The following MALT1 variants were observed in gnomAD, a reference collection of about 807,000 sequenced individuals.
MALT1 encodes mucosa-associated lymphoid tissue lymphoma translocation protein 1.
A neutral mutation model predicts 85.5 loss-of-function variants in MALT1; 36 were observed. The observed-to-expected ratio is 0.42, with a 90% CI of 0.32 to 0.56. The LOEUF is 0.56. Ranked by LOEUF, MALT1 falls within the 20% of genes least tolerant of loss-of-function variation. The probability of loss-of-function intolerance (pLI) is 0.10; values close to 1 mark genes in which losing one functional copy is unlikely to be tolerated. For synonymous variants in MALT1, 359 were observed against 361.3 expected, an observed-to-expected ratio of 0.99 and a Z score of 0.07; for missense variants, 716 against 981.6, an observed-to-expected ratio of 0.73 and a Z score of 3.62.
intron 8 of MALT1, among the ~76,000 whole-genome samples, chr18:58,714,782 G>A (rs2054877405): frequency 7.6e-6 from 1 of 131,490 alleles, no homozygotes; most frequent in South Asian, 2.6e-4. Context: ...CTTTCTGAAA[G>A]ACAATGATGG....
intron 13 of MALT1, among the ~76,000 whole-genome samples, chr18:58,739,124 G>A (rs1008927635): frequency 1.3e-5 from 2 of 152,084 alleles, no homozygotes; most frequent in Admixed American, 6.5e-5. Flanking sequence ...TTAATATGGT[G>A]AGTTAAATTT....
chr18:58,682,214 G>A lies in MALT1; in HGVS notation c.376+878G>A, dbSNP rs370221301. On this transcript the variant is annotated intron_variant, in intron 2 of 16. Transcript: ENST00000649217. ...ATGATATATTTTTAAGTTAACATGA[G>A]GAACTTAAAACCATAAATGAGATGT... Among the ~76,000 whole-genome samples the A allele has an allele frequency of 2.8e-4, 42 of 152,172 alleles. No individual in the cohort carries two copies. In the East Asian group the frequency reaches 5.4e-3, roughly 20 times the overall value.
intron 1 of MALT1, chr18:58,674,035 G>C (rs2054205025): frequency 1.3e-5 from 2 of 152,150 alleles, no homozygotes; most frequent in Admixed American, 6.5e-5. Context: ...TTTGGGGGCA[G>C]ATCTCCAGAG....
chr18:58,721,105 C>A (rs956023331), intron 9 of MALT1, among the ~76,000 whole-genome samples: 1 of 152,162 alleles, frequency 6.6e-6, no homozygotes. Context: ...AAAGGCCAGG[C>A]GTGGTGGCTC....
chr18:58,721,573 T>TA (rs1190072498), intron 9 of MALT1, among the ~76,000 whole-genome samples: 5 of 152,186 alleles, frequency 3.3e-5, no homozygotes, highest in African/African-American at 1.2e-4. Flanking sequence ...TGACATGATA[T>TA]AAAATTACTG....
Position 58,753,580 on chromosome 18 carries a change from T to C in MALT1, c.*5738T>C, listed in dbSNP as rs1339213174. ...CTTTTCAAAAAGCATGCAGATTTAA[T>C]GCCACCAGTTTGTGTTATGTATCTA... is the stretch of plus-strand genomic sequence containing the variant. On this transcript the variant is annotated 3_prime_UTR_variant, in exon 17 of 17. Coordinates refer to ENST00000649217, the MANE Select transcript of MALT1 (RefSeq NM_006785.4). 1 of 152,358 alleles carries C rather than the reference T, an allele frequency of 6.6e-6. No homozygotes were observed. The highest frequency in any genetic ancestry group is 2.1e-4 in the South Asian group (1 of 4,828). The allele number at this position is 152,358 out of a possible 1,614,324, so 9.4% of individuals were successfully genotyped here.
chr18:58,674,260 A>G (rs975348362), intron 1 of MALT1: 3 of 152,202 alleles, frequency 2.0e-5, no homozygotes, highest in African/African-American at 7.2e-5. Flanking sequence ...TTTTTGTTAA[A>G]GGCTACAAAA....
At chr18:58,721,712 G>T (rs2054985967) in intron 9 of MALT1, among the ~76,000 whole-genome samples, 1 of 152,138 alleles carries the variant, frequency 6.6e-6, no homozygotes, top group African/African-American at 2.4e-5. Flanking sequence ...GAGATTTTTG[G>T]TGAAATAATC....
At chr18:58,703,368 A>C (rs1239325216) in intron 4 of MALT1, among the ~76,000 whole-genome samples, 4 of 152,136 alleles carry the variant, frequency 2.6e-5, no homozygotes, top group African/African-American at 9.7e-5. Flanking sequence ...AAAAAAAAGA[A>C]AATATCACCA....
At position 58,747,660 on chromosome 18, in the gene MALT1, C is replaced by T; in HGVS notation, c.2293C>T (p.Pro765Ser). The change falls in exon 17 of 17, where the codon CCT (proline) becomes TCT (serine). Residue 765 changes from proline to serine, a missense_variant. Around this residue, in one of 4 missense-constraint regions of MALT1, gnomAD observed 260 missense variants for 323.7 expected, o/e 0.80. Transcript: ENST00000649217. ...ATTCCATGGTGTTTACCATTCACAT[C>T]CTGGTAATCCAAGTAATGTTACACC... ...DPFHGVYHSHPGNPSNVTPAD... is the reference protein window; with the variant it reads ...DPFHGVYHSHSGNPSNVTPAD... The T allele has an allele frequency of 6.2e-7, 1 of 1,614,142 alleles. No individual in the cohort carries two copies. The highest frequency in any genetic ancestry group is 8.5e-7 in the Non-Finnish European group (1 of 1,179,974).
At chr18:58,731,276 G>A (rs1455007204) in intron 10 of MALT1, among the ~76,000 whole-genome samples, 1 of 152,194 alleles carries the variant, frequency 6.6e-6, no homozygotes, top group East Asian at 1.9e-4. Context: ...TTATTGATGA[G>A]TGGAAGAGTT....
intron 9 of MALT1, among the ~76,000 whole-genome samples, chr18:58,721,185 C>G (rs1402539190): frequency 6.6e-6 from 1 of 152,070 alleles, no homozygotes; most frequent in Non-Finnish European, 1.5e-5. Context: ...TTCGAGACCA[C>G]CCCGACCTAA....
intron 4 of MALT1, among the ~76,000 whole-genome samples, chr18:58,705,157 A>G (rs1180441208): frequency 6.6e-6 from 1 of 152,160 alleles, no homozygotes; most frequent in Non-Finnish European, 1.5e-5. Context: ...AACTTATTGT[A>G]GTAAACCTTC....
chr18:58,674,537 G>C (rs550938613), intron 1 of MALT1, among the ~76,000 whole-genome samples: 15 of 152,322 alleles, frequency 9.8e-5, no homozygotes, highest in African/African-American at 3.6e-4. Flanking sequence ...CATCCCTATG[G>C]AGATCAGAAG....
rs2054810526 is a variant in MALT1 at position 58,710,048 on chromosome 18, A to G, written c.901A>G (p.Ser301Gly). The G allele has an allele frequency of 6.2e-7, 1 of 1,611,736 alleles. No individual in the cohort carries two copies. The highest frequency in any genetic ancestry group is 8.5e-7 in the Non-Finnish European group (1 of 1,178,312). Residue 301 changes from serine to glycine, a missense_variant, in exon 6 of 17, where the codon AGC (serine) becomes GGC (glycine). By Grantham distance (56) the Ser-to-Gly change is moderately conservative. Coordinates refer to ENST00000649217, the MANE Select transcript of MALT1 (RefSeq NM_006785.4). ...HVYNDRDSQD[S>G]KKVEIIIGRT... ...ATATAATGATCGAGACAGTCAAGAT[A>G]GCAAGAAGGTAGAAATCATCATAGG...
intron 1 of MALT1, among the ~76,000 whole-genome samples, chr18:58,673,264 A>T (rs1392362176): frequency 1.3e-5 from 2 of 152,210 alleles, no homozygotes; most frequent in Admixed American, 6.5e-5. Flanking sequence ...TTCAATTCCT[A>T]ATCATAAGGG....
chr18:58,690,221 T>C (rs142698298), intron 2 of MALT1: 1 of 152,448 alleles, frequency 6.6e-6, no homozygotes, highest in Admixed American at 6.5e-5. Context: ...TCTGTCGTGG[T>C]GATCTGTGAT....
At chr18:58,697,926 G>A (rs1319814534) in intron 3 of MALT1, among the ~76,000 whole-genome samples, 1 of 152,216 alleles carries the variant, frequency 6.6e-6, no homozygotes, top group African/African-American at 2.4e-5. Context: ...AGCAAGTACT[G>A]TTAATTCCTG....
chr18:58,748,257 A>T lies in MALT1; in HGVS notation c.*415A>T, dbSNP rs2055399229. The stretch of plus-strand genomic sequence containing the variant: ...TGGAAGAAACACAGAAAGGCATCTA[A>T]GTTAGAGCTGGCACCAGAACTGAGA... On this transcript the variant is annotated 3_prime_UTR_variant, in exon 17 of 17. Transcript: ENST00000649217. 4.2e-6 allele frequency: 1 copy of T among 238,044 alleles called. No homozygotes were observed. The highest frequency in any genetic ancestry group is 2.2e-5 in the African/African-American group (1 of 44,632). The allele number at this position is 238,044 out of a possible 1,614,324, so 14.7% of individuals were successfully genotyped here.
Sources: allele counts gnomAD v4.1 joint callset (sites outside exome capture counted in the v4.1 genomes callset), GRCh38; gene constraint gnomAD v4.1.1; regional missense constraint gnomAD v4.1.1; transcripts MANE v1.5; gene names NCBI Gene and HGNC (gene_info 2026-07-23, HGNC 2026-07-21).